HMGA2: variants seen among roughly 807,000 people sequenced by gnomAD.
HMGA2 encodes high mobility group AT-hook 2, also known as high mobility group protein HMGI-C.
Under a neutral mutation model 19.1 loss-of-function variants are expected in HMGA2, and 8 were observed. The ratio of observed to expected loss-of-function variants is 0.42; its 90% CI spans 0.25 to 0.76. The LOEUF (loss-of-function observed/expected upper bound fraction) is 0.76. Ranked by LOEUF, HMGA2 falls within the 30% of genes least tolerant of loss-of-function variation. The pLI, the probability that HMGA2 is intolerant of heterozygous loss-of-function variation, is 0.28. For missense variants in HMGA2, 109 were observed against 136.3 expected (o/e 0.80, Z 1.00); for synonymous variants, 60 against 48.8 (o/e 1.23, Z -0.96).
chr12:65,950,701 G>T (rs1876428027), intron 3 of HMGA2, among the ~76,000 whole-genome samples: 1 of 152,072 alleles, frequency 6.6e-6, no homozygotes, highest in Non-Finnish European at 1.5e-5. Flanking sequence ...GAATTATGTG[G>T]TATGTAAATT....
intron 3 of HMGA2, chr12:65,882,146 G>A (rs566450374): frequency 4.8e-5 from 20 of 414,566 alleles, no homozygotes; most frequent in African/African-American, 3.8e-4. Context: ...GAGCTGGGCA[G>A]GCGGCGAGGT....
chr12:65,936,902 C>A (rs1230818219), intron 3 of HMGA2, among the ~76,000 whole-genome samples: 3 of 152,122 alleles, frequency 2.0e-5, no homozygotes, highest in Non-Finnish European at 4.4e-5. Flanking sequence ...GTTCTTCCCC[C>A]ACTATCTTGA....
intron 3 of HMGA2, among the ~76,000 whole-genome samples, chr12:65,911,115 C>T (rs1057194025): frequency 1.3e-5 from 2 of 152,168 alleles, no homozygotes; most frequent in Admixed American, 6.5e-5. Context: ...AAGCTGATAT[C>T]GAACAATAGA....
chr12:65,828,029 G>A lies in HMGA2; in HGVS notation c.140G>A (p.Arg47Lys). The A allele has an allele frequency of 4.3e-6, 7 of 1,613,674 alleles. No individual in the cohort carries two copies. Among genetic ancestry groups the A allele is most frequent in the Non-Finnish European group, 5.9e-6 (7 of 1,179,774 alleles). ...QEPTGEPSPK[R>K]PRGRPKGSKN... ...CCAACCGGTGAGCCCTCTCCTAAGA[G>A]ACCCAGGGGAAGACCCAAAGGCAGC... Residue 47 changes from arginine to lysine, a missense_variant, in exon 2 of 5, where the codon AGA (arginine) becomes AAA (lysine). Transcript: ENST00000403681.
At chr12:65,876,650 C>A (rs1015198582) in intron 3 of HMGA2, among the ~76,000 whole-genome samples, 1 of 152,196 alleles carries the variant, frequency 6.6e-6, no homozygotes, top group Non-Finnish European at 1.5e-5. Flanking sequence ...ACCATAAAAT[C>A]ATTTCACCAC....
chr12:65,827,679 T>A (rs1870274934), intron 1 of HMGA2, among the ~76,000 whole-genome samples: 1 of 152,368 alleles, frequency 6.6e-6, no homozygotes, highest in East Asian at 1.9e-4. Flanking sequence ...GCCAAATGCA[T>A]AGCCCTGTAA....
intron 3 of HMGA2, among the ~76,000 whole-genome samples, chr12:65,841,617 C>T (rs1870999914): frequency 6.6e-6 from 1 of 152,198 alleles, no homozygotes; most frequent in South Asian, 2.1e-4. Context: ...TTCTTTCCAA[C>T]AGTGTCATTC....
chr12:65,828,849 T>C (rs1174666794), intron 2 of HMGA2: 1 of 152,282 alleles, frequency 6.6e-6, no homozygotes, highest in Non-Finnish European at 1.5e-5. Context: ...AAGTTTAAAC[T>C]TGCAGTTTAA....
intron 3 of HMGA2, among the ~76,000 whole-genome samples, chr12:65,862,597 G>C (rs894047316): frequency 6.6e-6 from 1 of 152,210 alleles, no homozygotes; most frequent in African/African-American, 2.4e-5. Context: ...TTAAAAAAGT[G>C]TTAAGCATCA....
At chr12:65,891,270 A>T (rs186478763) in intron 3 of HMGA2, among the ~76,000 whole-genome samples, 5 of 152,348 alleles carry the variant, frequency 3.3e-5, no homozygotes, top group Admixed American at 3.3e-4. Flanking sequence ...CTTAGGGGCC[A>T]GACAGTGCTA....
chr12:65,897,918 C>T (rs1458542410), intron 3 of HMGA2, among the ~76,000 whole-genome samples: 6 of 150,622 alleles, frequency 4.0e-5, no homozygotes, highest in Non-Finnish European at 7.4e-5. Context: ...GAGCTGAGAT[C>T]GCGCCATTGC....
intron 3 of HMGA2, among the ~76,000 whole-genome samples, chr12:65,854,316 T>C (rs1376677509): frequency 6.6e-6 from 1 of 152,254 alleles, no homozygotes; most frequent in Non-Finnish European, 1.5e-5. Flanking sequence ...TTCGTGCCCT[T>C]TCTCTGGTAG....
chr12:65,961,513 T>A (rs1176733099), intron 4 of HMGA2, among the ~76,000 whole-genome samples: 1 of 152,150 alleles, frequency 6.6e-6, no homozygotes, highest in Non-Finnish European at 1.5e-5. Context: ...CCTCATACGT[T>A]CCACTTTTCC....
intron 3 of HMGA2, among the ~76,000 whole-genome samples, chr12:65,841,965 C>T (rs993717744): frequency 5.9e-5 from 9 of 151,662 alleles, no homozygotes; most frequent in Non-Finnish European, 1.2e-4. Flanking sequence ...AAGAACACTT[C>T]TATTGTTTAC....
At chr12:65,831,565 G>A (rs1870479442) in intron 2 of HMGA2, among the ~76,000 whole-genome samples, 1 of 151,782 alleles carries the variant, frequency 6.6e-6, no homozygotes, top group Admixed American at 6.6e-5. Flanking sequence ...GCAAAGTGCA[G>A]AATGAAAATA....
At chr12:65,945,235 T>TA (rs111532089) in intron 3 of HMGA2, among the ~76,000 whole-genome samples, 1,536 of 142,122 alleles carry the variant, frequency 0.011, 24 homozygotes, top group African/African-American at 0.034. Flanking sequence ...TCTTATGCTT[T>TA]AAAAAAAAAA....
At chr12:65,924,010 C>CA (rs1467397736) in intron 3 of HMGA2, among the ~76,000 whole-genome samples, 1 of 151,810 alleles carries the variant, frequency 6.6e-6, no homozygotes, top group Non-Finnish European at 1.5e-5. Context: ...AACCCCATCT[C>CA]AAAAAAACAA....
At chr12:65,954,532 A>C (rs1319455252) in intron 4 of HMGA2, 2 of 152,324 alleles carry the variant, frequency 1.3e-5, no homozygotes, top group East Asian at 3.9e-4. Context: ...CCCTTGTTGA[A>C]CCTGGGGTAC....
At chr12:65,853,471 T>C (rs1261122604) in intron 3 of HMGA2, among the ~76,000 whole-genome samples, 1 of 152,092 alleles carries the variant, frequency 6.6e-6, no homozygotes, top group East Asian at 1.9e-4. Context: ...TAGTCTAGAG[T>C]GGAATGTGGT....
Sources: allele counts gnomAD v4.1 joint callset (sites outside exome capture counted in the v4.1 genomes callset), GRCh38; gene constraint gnomAD v4.1.1; transcripts MANE v1.5; gene names NCBI Gene and HGNC (gene_info 2026-07-23, HGNC 2026-07-21).